Variants in OLA1 observed in about 807,000 individuals in gnomAD.
OLA1 encodes obg-like ATPase 1.
A neutral mutation model predicts 48.4 loss-of-function variants in OLA1; 14 were observed. The ratio of observed to expected loss-of-function variants is 0.29; its 90% CI spans 0.19 to 0.45. The LOEUF (loss-of-function observed/expected upper bound fraction) is 0.45. OLA1 is among the 20% of genes least tolerant of loss of function. The pLI is 1.00. For synonymous variants in OLA1, 127 were observed against 150.4 expected (o/e 0.84, Z 1.14); for missense variants, 325 against 467.1 (o/e 0.70, Z 2.80).
At position 174,086,960 on chromosome 2, in the gene OLA1, C is replaced by T. The variant is rs80154788; in HGVS notation, c.729-4896G>A. On this transcript the variant is annotated intron_variant, in intron 7 of 10. Coordinates refer to ENST00000284719, the MANE Select transcript of OLA1 (RefSeq NM_013341.5). The stretch of plus-strand genomic sequence containing the variant: ...TTCATTCTCTACTGTTACTGAGTTT[C>T]GTTCTTGTTTTTGGCACCTAGAGAG... Among the ~76,000 whole-genome samples, 249 of 152,100 alleles carry T rather than the reference C, an allele frequency of 1.6e-3. 1 individual carries two copies. Among genetic ancestry groups the T allele is most frequent in the African/African-American group, 5.8e-3 (240 of 41,490 alleles).
rs1255575965 is a variant in OLA1 at position 174,240,885 on chromosome 2, G to T, written c.101+5830C>A. On this transcript the variant is annotated intron_variant, in intron 2 of 10. Coordinates refer to ENST00000284719, the MANE Select transcript of OLA1 (RefSeq NM_013341.5). ...GGAACACATAGACATCACATATTTT[G>T]TATCAGGAAAATAGTGGACTGCAGT... Among the ~76,000 whole-genome samples, 3 of 152,144 alleles carry T rather than the reference G, an allele frequency of 2.0e-5. No individual in the cohort carries two copies. The East Asian group carries it at 5.8e-4, about 29-fold the overall frequency.
intron 7 of OLA1, among the ~76,000 whole-genome samples, chr2:174,088,231 C>A (rs939500614): frequency 1.3e-5 from 2 of 152,138 alleles, no homozygotes; most frequent in African/African-American, 2.4e-5. Flanking sequence ...ATGGATGTAC[C>A]ATTAATCCAG....
intron 7 of OLA1, among the ~76,000 whole-genome samples, chr2:174,122,070 ATTATT>A (rs886674850): frequency 3.9e-5 from 6 of 152,176 alleles, no homozygotes; most frequent in African/African-American, 1.2e-4. Context: ...GACAGAACTG[ATTATT>A]TTAAAGTTAA....
chr2:174,223,289 A>G, intron 3 of OLA1, 129 bp from the exon 4 acceptor site: 1 of 868,914 alleles, frequency 1.2e-6, no homozygotes, highest in Non-Finnish European at 1.7e-6. Flanking sequence ...GATTTGATAA[A>G]TGAATATCCA....
At chr2:174,224,787 C>A (rs954855182) in intron 3 of OLA1, among the ~76,000 whole-genome samples, 4 of 152,056 alleles carry the variant, frequency 2.6e-5, no homozygotes, top group African/African-American at 7.2e-5. Context: ...GGGAAGACAA[C>A]CTTATGGTCA....
chr2:174,080,712 T>C (rs1232314865), intron 9 of OLA1, among the ~76,000 whole-genome samples: 2 of 152,106 alleles, frequency 1.3e-5, no homozygotes, highest in Non-Finnish European at 2.9e-5. Context: ...AAGAGCATAA[T>C]GATGTCATAT....
chr2:174,213,313 GA>G (rs1237262435), intron 4 of OLA1, among the ~76,000 whole-genome samples: 6 of 152,136 alleles, frequency 3.9e-5, no homozygotes, highest in African/African-American at 1.4e-4. Context: ...TACCTATTGA[GA>G]AACCTTAACA....
intron 4 of OLA1, among the ~76,000 whole-genome samples, chr2:174,155,944 A>G (rs1223321904): frequency 2.0e-5 from 3 of 152,192 alleles, no homozygotes; most frequent in African/African-American, 7.2e-5. Flanking sequence ...TCTGGATTCA[A>G]ATCTGGATTT....
chr2:174,081,974 T>C lies in OLA1; in HGVS notation c.819A>G (p.Glu273=), dbSNP rs898350143. ...ACTTCTGTCTCTCCTCAGCACTCAA[T>C]TCTTGCAACTTGAGTTCCAAGGCCC... ...FSGALELKLQ[E]LSAEERQKYL... is the part of the protein sequence containing the mutation. The change falls in exon 8 of 11, where the codon GAA becomes GAG. Residue 273 remains glutamate, a synonymous_variant. Transcript: ENST00000284719. The C allele has an allele frequency of 1.2e-6, 2 of 1,613,248 alleles. No homozygotes were observed. Among genetic ancestry groups the C allele is most frequent in the Admixed American group, 1.7e-5 (1 of 59,994 alleles).
intron 1 of OLA1, chr2:174,247,593 A>T: frequency 6.5e-7 from 1 of 1,542,048 alleles, no homozygotes; most frequent in Non-Finnish European, 8.8e-7. Flanking sequence ...TTCACACCAA[A>T]CCATTCCTCT....
chr2:174,160,130 A>G (rs529456384), intron 4 of OLA1, among the ~76,000 whole-genome samples: 1 of 152,250 alleles, frequency 6.6e-6, no homozygotes, highest in Non-Finnish European at 1.5e-5. Flanking sequence ...ATCAACAAGA[A>G]CATACATCTT....
chr2:174,092,396 G>A (rs2105346993), intron 7 of OLA1, among the ~76,000 whole-genome samples: 1 of 152,248 alleles, frequency 6.6e-6, no homozygotes, highest in South Asian at 2.1e-4. Flanking sequence ...TCTGGGTGGT[G>A]GCTCACGCCT....
intron 2 of OLA1, among the ~76,000 whole-genome samples, chr2:174,230,512 A>G (rs1688704508): frequency 6.6e-6 from 1 of 152,224 alleles, no homozygotes; most frequent in Non-Finnish European, 1.5e-5. Flanking sequence ...ATAATTACCA[A>G]TGACAGTTAG....
chr2:174,156,223 C>T (rs1345608491), intron 4 of OLA1, among the ~76,000 whole-genome samples: 1 of 152,132 alleles, frequency 6.6e-6, no homozygotes, highest in African/African-American at 2.4e-5. Context: ...AATTATTTGT[C>T]GTGAAGGGCT....
chr2:174,126,723 G>A (rs1010996149), intron 5 of OLA1, among the ~76,000 whole-genome samples: 1 of 152,144 alleles, frequency 6.6e-6, no homozygotes, highest in Non-Finnish European at 1.5e-5. Flanking sequence ...ACAGTTCTTG[G>A]CACAGAATGA....
intron 4 of OLA1, among the ~76,000 whole-genome samples, chr2:174,167,899 T>C (rs984755227): frequency 7.2e-5 from 11 of 152,170 alleles, no homozygotes; most frequent in Non-Finnish European, 7.4e-5. Flanking sequence ...TTTTCAATAA[T>C]GACATAGTAA....
At chr2:174,197,772 C>T (rs1687911129) in intron 4 of OLA1, among the ~76,000 whole-genome samples, 1 of 152,184 alleles carries the variant, frequency 6.6e-6, no homozygotes, top group Non-Finnish European at 1.5e-5. Context: ...CTTACAGTCA[C>T]ATTAATATAA....
At chr2:174,119,726 T>C (rs979611388) in intron 7 of OLA1, among the ~76,000 whole-genome samples, 26 of 152,134 alleles carry the variant, frequency 1.7e-4, no homozygotes, top group African/African-American at 5.3e-4. Flanking sequence ...AATCATGGTA[T>C]AATAAGAATA....
chr2:174,155,942 C>G (rs1374219735), intron 4 of OLA1, among the ~76,000 whole-genome samples: 1 of 152,114 alleles, frequency 6.6e-6, no homozygotes, highest in South Asian at 2.1e-4. Context: ...CATCTGGATT[C>G]AAATCTGGAT....
Sources: gnomAD v4.1 joint callset for allele counts (sites outside exome capture counted in the v4.1 genomes callset) on GRCh38, gnomAD v4.1.1 for gene constraint, MANE v1.5 for transcripts, NCBI Gene and HGNC (gene_info 2026-07-23, HGNC 2026-07-21) for gene names.